Variants in ATM observed in about 807,000 individuals in gnomAD.
ATM encodes serine-protein kinase ATM.
In ATM, 308 loss-of-function variants were observed where a neutral mutation model predicts 387.0. That is an observed-to-expected ratio of 0.80 (90% confidence interval 0.73 to 0.87). The LOEUF (loss-of-function observed/expected upper bound fraction) is 0.87. Among genes scored for constraint, ATM ranks in the 40% least tolerant of loss-of-function variants. The pLI is 0.00. For missense variants in ATM, 3,312 were observed against 3,560.9 expected (o/e 0.93, Z 1.78); for synonymous variants, 1,156 against 1,187.3 (o/e 0.97, Z 0.54).
chr11:108,270,758 C>G (rs1345899963), intron 18 of ATM, among the ~76,000 whole-genome samples: 1 of 152,026 alleles, frequency 6.6e-6, no homozygotes, highest in Non-Finnish European at 1.5e-5. Flanking sequence ...TGCAGTGGCG[C>G]GATCTCGGCT....
intron 56 of ATM, chr11:108,340,258 A>G (rs1416127309): frequency 6.6e-6 from 1 of 152,008 alleles, no homozygotes; most frequent in Non-Finnish European, 1.5e-5. Context: ...GCAGTTACCA[A>G]CTCATGGACA....
At chr11:108,304,562 TATC>T (rs1253197246) in intron 36 of ATM, 110 bp from the exon 37 acceptor site, 39 of 1,076,184 alleles carry the variant, frequency 3.6e-5, no homozygotes, top group Middle Eastern at 5.9e-4. Context: ...CAGATTAATC[TATC>T]ATCTTTTAGA....
At chr11:108,359,150 T>C (rs369728460) in intron 61 of ATM, among the ~76,000 whole-genome samples, 4 of 150,400 alleles carry the variant, frequency 2.7e-5, no homozygotes, top group Middle Eastern at 3.4e-3. Flanking sequence ...GCAATCCTAG[T>C]CTCTGATAAA....
In ATM at chr11:108,367,710, C is replaced by T; in HGVS notation, c.*2202C>T. On this transcript the variant is annotated 3_prime_UTR_variant, in exon 63 of 63. Coordinates refer to ENST00000675843, the MANE Select transcript of ATM (RefSeq NM_000051.4). ...CAGGCACTCATTCATATTTGATCTC[C>T]TCACCTTCCCCTCCCCTAAAACCAA... 4.6e-6 allele frequency: 1 copy of T among 216,240 alleles called. No homozygotes were observed. The highest frequency in any genetic ancestry group is 9.3e-6 in the Non-Finnish European group (1 of 107,228). The allele number at this position is 216,240 out of a possible 1,614,324, so 13.4% of individuals were successfully genotyped here. A position where few individuals can be genotyped will look rare whatever the true frequency, so the allele number is the denominator to read the frequency against.
At chr11:108,327,096 G>A (rs2085754160) in intron 47 of ATM, among the ~76,000 whole-genome samples, 1 of 152,164 alleles carries the variant, frequency 6.6e-6, no homozygotes, top group African/African-American at 2.4e-5. Flanking sequence ...TGAAAGTGCT[G>A]GGATTACAGG....
At position 108,354,879 on chromosome 11, in the gene ATM, A is replaced by T. The variant is rs1057522186; in HGVS notation, c.8850+5A>T. On this transcript the variant is annotated splice_donor_5th_base_variant and intron_variant, in intron 61 of 62. Coordinates refer to ENST00000675843, the MANE Select transcript of ATM (RefSeq NM_000051.4). The stretch of plus-strand genomic sequence containing the variant: ...ACTCTGTTAACCATTGTAGAGGTAA[A>T]GTATTTTATAAGGAAGACTTTATTT... The T allele has an allele frequency of 6.2e-7, 1 of 1,609,606 alleles. No homozygotes were observed. The highest frequency in any genetic ancestry group is 1.7e-5 in the Admixed American group (1 of 60,024).
chr11:108,307,485 G>T (rs1357144319), intron 37 of ATM, among the ~76,000 whole-genome samples: 2 of 152,078 alleles, frequency 1.3e-5, no homozygotes, highest in East Asian at 3.9e-4. Flanking sequence ...TTGTCTAGGT[G>T]AGGTTCCCTC....
Position 108,299,679 on chromosome 11 carries a change from C to T in ATM, c.5006-35C>T, listed in dbSNP as rs771132984. ...TTCAGTTTTATGTATGATCTCTTAC[C>T]TATGACTCTACTGAAATAGAATTTC... On this transcript the variant is annotated intron_variant, in intron 33 of 62. Transcript: ENST00000675843. 2.4e-5 allele frequency: 38 copies of T among 1,601,424 alleles called. No homozygotes were observed. In the East Asian group the frequency reaches 7.2e-4, roughly 30 times the overall value.
intron 22 of ATM, 116 bp downstream of exon 22, chr11:108,272,968 T>C: frequency 7.8e-7 from 1 of 1,288,144 alleles, no homozygotes; most frequent in Non-Finnish European, 1.1e-6. Flanking sequence ...GTTGAGTATA[T>C]ACGGTGTGCC....
Position 108,227,713 on chromosome 11 carries a change from A to G in ATM, c.72+17A>G, listed in dbSNP as rs2135007789. The stretch of plus-strand genomic sequence containing the variant: ...GAACGAAAGGTAGTAAATTACTTAA[A>G]TTCAATTTTTCCTTGAAATAAGTGT... On this transcript the variant is annotated intron_variant, in intron 2 of 62. Coordinates refer to ENST00000675843, the MANE Select transcript of ATM (RefSeq NM_000051.4). The G allele has an allele frequency of 1.2e-6, 2 of 1,603,242 alleles. No individual in the cohort carries two copies. The highest frequency in any genetic ancestry group is 1.7e-6 in the Non-Finnish European group (2 of 1,175,028).
chr11:108,319,924 G>T (rs2136217232), intron 43 of ATM, 30 bp from the exon 44 acceptor site: 1 of 1,489,192 alleles, frequency 6.7e-7, no homozygotes, highest in African/African-American at 1.4e-5. Context: ...CTGTTTTTAA[G>T]TATATTTTTT....
rs1060501644 is a variant in ATM, at chr11:108,330,417, T to C, written c.7511T>C (p.Met2504Thr). 6.2e-7 allele frequency: 1 copy of C among 1,614,138 alleles called. No homozygotes were observed. Among genetic ancestry groups the C allele is most frequent in the African/African-American group, 1.3e-5 (1 of 75,064 alleles). Reference sequence around the variant, plus strand: ...GGAGTTTCTGAAGTCAATGGCATGATGAAGGCAAGTGTTACTCAGCCCAAT... The same window carrying C: ...GGAGTTTCTGAAGTCAATGGCATGACGAAGGCAAGTGTTACTCAGCCCAAT... ...NSGVSEVNGMMKRDGMKIPTY... is the reference protein window; with the variant it reads ...NSGVSEVNGMTKRDGMKIPTY... Residue 2504 changes from methionine to threonine, a missense_variant, in exon 50 of 63, where the codon ATG becomes ACG. Physicochemically the swap from Met to Thr is moderately conservative, Grantham distance 81. This residue lies in a region of ATM where 1,405 missense variants were observed against 1,604.4 expected (regional missense o/e 0.88). Coordinates refer to ENST00000675843, the MANE Select transcript of ATM (RefSeq NM_000051.4).
At chr11:108,317,914 A>G (rs908664204) in intron 43 of ATM, among the ~76,000 whole-genome samples, 5 of 151,998 alleles carry the variant, frequency 3.3e-5, no homozygotes, top group African/African-American at 7.3e-5. Flanking sequence ...ATCATCTCGC[A>G]TAGTTTGTTG....
intron 38 of ATM, 121 bp from the exon 39 acceptor site, chr11:108,310,039 T>C (rs2084009944): frequency 9.8e-6 from 10 of 1,018,702 alleles, no homozygotes; most frequent in Admixed American, 2.3e-5. Flanking sequence ...GGAAATGTGG[T>C]TTTTGGGAAT....
chr11:108,365,235 G>A lies in ATM; in HGVS notation c.8987+17G>A, dbSNP rs1174442478. The stretch of plus-strand genomic sequence containing the variant: ...AAATCTCAGGTGAGCAGTATTTTAA[G>A]AAGGTCCTGTTGTCAGTTTTTCAGA... On this transcript the variant is annotated intron_variant, in intron 62 of 62. Transcript: ENST00000675843. 1 of 1,614,098 alleles carries A rather than the reference G, an allele frequency of 6.2e-7. No individual in the cohort carries two copies. The highest frequency in any genetic ancestry group is 8.5e-7 in the Non-Finnish European group (1 of 1,180,052).
intron 32 of ATM, chr11:108,295,664 C>CT (rs1186429272): frequency 1.7e-4 from 26 of 152,172 alleles, no homozygotes; most frequent in South Asian, 6.2e-4. Context: ...ATTTCTTTTT[C>CT]TTTTTTTTTA....
At position 108,347,382 on chromosome 11, in the gene ATM, A is replaced by G. The variant is rs765608446; in HGVS notation, c.8671+17A>G. On this transcript the variant is annotated intron_variant, in intron 59 of 62. Transcript: ENST00000675843. ...TAGATCTAGGTAAGTAATAAAATCT[A>G]TGTATCTATTCTTTTTAGTAAATAT... 8 of 1,538,452 alleles carry G rather than the reference A, an allele frequency of 5.2e-6. No individual in the cohort carries two copies. The highest frequency in any genetic ancestry group is 1.8e-4 in the Middle Eastern group (1 of 5,548).
At chr11:108,293,963 A>C (rs1397897111) in intron 31 of ATM, among the ~76,000 whole-genome samples, 4 of 149,082 alleles carry the variant, frequency 2.7e-5, no homozygotes, top group Non-Finnish European at 4.4e-5. Flanking sequence ...GTAACGTGAG[A>C]TCTACCTACT....
intron 59 of ATM, among the ~76,000 whole-genome samples, chr11:108,348,414 TAGAC>T (rs1255049636): frequency 4.6e-5 from 7 of 150,688 alleles, no homozygotes; most frequent in Admixed American, 4.6e-4. Context: ...TGTATATATA[TAGAC>T]AGTTTAATAT....
Sources: allele counts gnomAD v4.1 joint callset (sites outside exome capture counted in the v4.1 genomes callset), GRCh38; gene constraint gnomAD v4.1.1; regional missense constraint gnomAD v4.1.1; transcripts MANE v1.5; gene names NCBI Gene and HGNC (gene_info 2026-07-23, HGNC 2026-07-21).